Variants in TF observed in about 807,000 individuals in gnomAD.
TF encodes transferrin.
Under a neutral mutation model 82.4 loss-of-function variants are expected in TF, and 55 were observed. The observed-to-expected ratio is 0.67, with a 90% CI of 0.54 to 0.84. TF has a LOEUF of 0.84. TF is among the 40% of genes least tolerant of loss of function. The pLI is 0.00. For synonymous variants in TF, 332 were observed against 332.6 expected, an observed-to-expected ratio of 1.00 and a Z score of 0.02; for missense variants, 737 against 868.4, an observed-to-expected ratio of 0.85 and a Z score of 1.90.
chr3:133,746,475 C>T lies in TF; in HGVS notation c.35C>T (p.Ala12Val). ...RLAVGALLVC[A>V]VLGLCLAVPD... Reference sequence around the variant, plus strand: ...GCCGTGGGAGCCCTGCTGGTCTGCGCCGTCCTGGGTGAGTGCGGGCACGGG... The same window carrying T: ...GCCGTGGGAGCCCTGCTGGTCTGCGTCGTCCTGGGTGAGTGCGGGCACGGG... Residue 12 changes from alanine (A) to valine (V), a missense_variant, in exon 1 of 17, where the codon GCC (alanine) becomes GTC (valine). Ala to Val is a moderately conservative substitution (Grantham distance 64). Transcript: ENST00000402696. 1 of 1,599,106 alleles carries T rather than the reference C, an allele frequency of 6.3e-7. No individual in the cohort carries two copies.
chr3:133,745,674 G>A (rs1206485787), upstream of TF, among the ~76,000 whole-genome samples: 1 of 152,216 alleles, frequency 6.6e-6, no homozygotes, highest in Non-Finnish European at 1.5e-5. Flanking sequence ...GAGCCTCACA[G>A]TGTCTTGACC....
At chr3:133,684,341 A>G in the TF span, among the ~76,000 whole-genome samples, 1 of 152,222 alleles carries the variant, frequency 6.6e-6, no homozygotes, top group African/African-American at 2.4e-5. Flanking sequence ...AAGGCAAGAA[A>G]TAACTAAGAT....
At chr3:133,694,672 T>C in the TF span, among the ~76,000 whole-genome samples, 122,589 of 152,144 alleles carry the variant, frequency 0.81, 49,713 homozygotes, top group African/African-American at 0.86. Flanking sequence ...GGGCCAAAGG[T>C]CAGGACCTCC....
chr3:133,693,585 G>T, the TF span, among the ~76,000 whole-genome samples: 2 of 152,178 alleles, frequency 1.3e-5, no homozygotes, highest in Non-Finnish European at 2.9e-5. Context: ...TGCCCTTTCT[G>T]GGAGTGATCA....
intron 1 of TF, among the ~76,000 whole-genome samples, chr3:133,747,755 AACAGACAAGAGTT>A (rs1022100613): frequency 6.6e-6 from 1 of 152,194 alleles, no homozygotes; most frequent in African/African-American, 2.4e-5. Flanking sequence ...AACAGAGAGC[AACAGACAAGAGTT>A]ACAGACAAAT....
At chr3:133,748,086 G>GGGGGCCA (rs1172302821) in intron 1 of TF, 7 of 399,830 alleles carry the variant, frequency 1.8e-5, no homozygotes, top group African/African-American at 8.1e-5. Flanking sequence ...ATGTTCCATG[G>GGGGGCCA]GGGGCCAGGG....
In TF at chr3:133,756,713, T is replaced by C. The variant is rs1428445249; in HGVS notation, c.692-118T>C. On this transcript the variant is annotated intron_variant, in intron 6 of 16. Coordinates refer to ENST00000402696, the MANE Select transcript of TF (RefSeq NM_001063.4). Reference sequence around the variant, plus strand: ...TCATTCTCCCGCATGTTCTCTGGCCTTCAGTGCTCACTCCAGACCTCTCAG... The same window carrying C: ...TCATTCTCCCGCATGTTCTCTGGCCCTCAGTGCTCACTCCAGACCTCTCAG... 7 of 1,308,356 alleles carry C rather than the reference T, an allele frequency of 5.4e-6. No individual in the cohort carries two copies. The African/African-American group carries it at 8.7e-5, about 16-fold the overall frequency. 81.0% of individuals were successfully genotyped at this position (1,308,356 alleles called of 1,614,324 possible).
At chr3:133,753,745 A>T in intron 3 of TF, 42 bp downstream of exon 3, 1 of 1,484,188 alleles carries the variant, frequency 6.7e-7, no homozygotes, top group Non-Finnish European at 9.4e-7. Flanking sequence ...TGTCATCCTT[A>T]TTCTATATGC....
intron 14 of TF, among the ~76,000 whole-genome samples, chr3:133,772,487 T>C (rs1052654096): frequency 1.3e-5 from 2 of 152,224 alleles, no homozygotes; most frequent in African/African-American, 2.4e-5. Flanking sequence ...AGAGAGTACA[T>C]TGGCATTGCA....
chr3:133,755,681 T>C, intron 5 of TF, 186 bp downstream of exon 5: 1 of 737,800 alleles, frequency 1.4e-6, no homozygotes, highest in Non-Finnish European at 2.3e-6. Context: ...TTCCCTTTCA[T>C]CTGACCCTGA....
chr3:133,708,875 A>C, the TF span, among the ~76,000 whole-genome samples: 1 of 151,916 alleles, frequency 6.6e-6, no homozygotes, highest in Non-Finnish European at 1.5e-5. Context: ...CTGAGGGGTC[A>C]GTAAAGAAAT....
rs192692299 is a variant in TF, at chr3:133,789,234, T to C, written c.*10614T>C. 6.0e-4 allele frequency: 91 copies of C among 152,458 alleles called. No homozygotes were observed. Among genetic ancestry groups the C allele is most frequent in the Middle Eastern group, 3.4e-3 (1 of 296 alleles). The allele number at this position is 152,458 out of a possible 1,614,324, so 9.4% of individuals were successfully genotyped here. A position where few individuals can be genotyped will look rare whatever the true frequency, so the allele number is the denominator to read the frequency against. ...GTTGCAATACTGTTTGGCCCCAATA[T>C]GGTTTGGATTCTGGCATTTGCTGTT... On this transcript the variant is annotated 3_prime_UTR_variant, in exon 17 of 17. Transcript: ENST00000402696.
the TF span, among the ~76,000 whole-genome samples, chr3:133,682,196 C>G: frequency 1.3e-5 from 2 of 152,302 alleles, no homozygotes; most frequent in East Asian, 3.9e-4. Flanking sequence ...AAAACCCCAT[C>G]TGTACGTCAC....
chr3:133,792,691 A>G lies in TF; in HGVS notation c.*14071A>G, dbSNP rs1934870720. On this transcript the variant is annotated 3_prime_UTR_variant, in exon 17 of 17. Coordinates refer to ENST00000402696, the MANE Select transcript of TF (RefSeq NM_001063.4). Reference sequence around the variant, plus strand: ...AGAAAAGTGAATGCATTTTCAGTGAAAGATTATAACAAGGCATGGGAATGT... The same window carrying G: ...AGAAAAGTGAATGCATTTTCAGTGAGAGATTATAACAAGGCATGGGAATGT... The G allele has an allele frequency of 6.6e-6, 1 of 152,216 alleles. No homozygotes were observed. The highest frequency in any genetic ancestry group is 2.1e-4 in the South Asian group (1 of 4,828). 9.4% of individuals were successfully genotyped at this position (152,216 alleles called of 1,614,324 possible).
upstream of TF, chr3:133,746,139 C>T (rs991232127): frequency 1.0e-5 from 5 of 501,278 alleles, no homozygotes; most frequent in Admixed American, 3.2e-5. Flanking sequence ...CTCCTGGCAC[C>T]GAGCGAGCCG....
chr3:133,764,051 T>G, intron 9 of TF, 131 bp from the exon 10 acceptor site: 1 of 768,038 alleles, frequency 1.3e-6, no homozygotes, highest in Non-Finnish European at 2.3e-6. Flanking sequence ...CTTTTGGGGG[T>G]TCAGTATCAG....
upstream of TF, chr3:133,746,170 T>G (rs1468404878): frequency 5.5e-5 from 31 of 563,076 alleles, no homozygotes; most frequent in Non-Finnish European, 3.2e-6. Context: ...GGCTGCATTG[T>G]GCTTCATGTC....
chr3:133,673,108 A>T, the TF span, among the ~76,000 whole-genome samples: 1 of 152,246 alleles, frequency 6.6e-6, no homozygotes, highest in Non-Finnish European at 1.5e-5. Context: ...TAACTATTAA[A>T]GCTGAACGTA....
rs1934175794 is a variant in TF at position 133,768,229 on chromosome 3, A to T, written c.1622+65A>T. On this transcript the variant is annotated intron_variant, in intron 13 of 16. Coordinates refer to ENST00000402696, the MANE Select transcript of TF (RefSeq NM_001063.4). Reference sequence around the variant, plus strand: ...AGCCCTGGCCAGATTTCTTTTAGGAACTAAGGTAAGATTCTTAGGTTCCTA... The same window carrying T: ...AGCCCTGGCCAGATTTCTTTTAGGATCTAAGGTAAGATTCTTAGGTTCCTA... 2.5e-6 allele frequency: 4 copies of T among 1,596,366 alleles called. No homozygotes were observed. The South Asian group carries it at 4.4e-5, about 18-fold the overall frequency.
Sources: allele counts gnomAD v4.1 joint callset (sites outside exome capture counted in the v4.1 genomes callset), GRCh38; gene constraint gnomAD v4.1.1; transcripts MANE v1.5; gene names NCBI Gene and HGNC (gene_info 2026-07-23, HGNC 2026-07-21).